The following RAB27A variants were observed in gnomAD, a reference collection of about 807,000 sequenced individuals.
RAB27A encodes RAB27A, member RAS oncogene family.
A neutral mutation model predicts 20.8 loss-of-function variants in RAB27A; 17 were observed. The observed-to-expected ratio is 0.82, with a 90% CI of 0.56 to 1.23. The LOEUF (loss-of-function observed/expected upper bound fraction) is 1.23. Ranked by LOEUF, RAB27A falls within the 50% of genes most tolerant of loss-of-function variation. The probability of loss-of-function intolerance (pLI) is 0.00; values close to 1 mark genes in which losing one functional copy is unlikely to be tolerated. For synonymous variants in RAB27A, 85 were observed against 92.8 expected, an observed-to-expected ratio of 0.92 and a Z score of 0.48; for missense variants, 277 against 266.7, an observed-to-expected ratio of 1.04 and a Z score of -0.27.
chr15:55,245,573 T>C (rs1415690030), intron 2 of RAB27A, among the ~76,000 whole-genome samples: 1 of 152,206 alleles, frequency 6.6e-6, no homozygotes. Flanking sequence ...AATAATAACA[T>C]AAGTCCATCC....
intron 2 of RAB27A, among the ~76,000 whole-genome samples, chr15:55,236,651 C>T (rs1428396832): frequency 2.0e-5 from 3 of 152,094 alleles, no homozygotes; most frequent in Non-Finnish European, 4.4e-5. Context: ...AGATTCAAAC[C>T]CAAAATATCA....
chr15:55,306,795 T>C (rs779292738), intron 2 of RAB27A, among the ~76,000 whole-genome samples: 9 of 152,286 alleles, frequency 5.9e-5, no homozygotes, highest in African/African-American at 2.2e-4. Context: ...GGGGAGCTAC[T>C]GGTCCTACAG....
chr15:55,220,703 A>C (rs74759534), intron 6 of RAB27A, among the ~76,000 whole-genome samples: 11,590 of 152,344 alleles, frequency 0.076, 710 homozygotes, highest in Admixed American at 0.18. Flanking sequence ...CTGTTAGCAC[A>C]TGGATAAACT....
upstream of RAB27A, chr15:55,319,116 G>T (rs1054713535): frequency 9.4e-7 from 1 of 1,058,516 alleles, no homozygotes; most frequent in African/African-American, 1.6e-5. Flanking sequence ...ACGTCGGGTG[G>T]GAGCTACGAA....
At chr15:55,292,222 A>G (rs910947773), upstream of RAB27A, among the ~76,000 whole-genome samples, 10 of 152,358 alleles carry the variant, frequency 6.6e-5, no homozygotes, top group African/African-American at 2.4e-4. Context: ...CAATATGCTA[A>G]TAGTTTTGAC....
At chr15:55,209,033 T>C (rs546772392) in intron 6 of RAB27A, among the ~76,000 whole-genome samples, 4 of 152,344 alleles carry the variant, frequency 2.6e-5, no homozygotes, top group South Asian at 4.1e-4. Context: ...TTATGCATAA[T>C]ATAGTTTCAG....
chr15:55,292,207 T>C (rs1372629103), upstream of RAB27A, among the ~76,000 whole-genome samples: 1 of 152,202 alleles, frequency 6.6e-6, no homozygotes, highest in Non-Finnish European at 1.5e-5. Flanking sequence ...TTACTATGAG[T>C]CAGCCAATAT....
intron 6 of RAB27A, among the ~76,000 whole-genome samples, chr15:55,215,199 C>G (rs1895222361): frequency 6.6e-6 from 1 of 152,156 alleles, no homozygotes; most frequent in Admixed American, 6.5e-5. Flanking sequence ...TTTCCAACTC[C>G]AGAGTCTCCA....
At chr15:55,207,585 A>G (rs1894712720) in intron 6 of RAB27A, among the ~76,000 whole-genome samples, 1 of 152,256 alleles carries the variant, frequency 6.6e-6, no homozygotes. Context: ...TTCCATATGT[A>G]TATCATCCAG....
rs755674449 is a variant in RAB27A at position 55,230,447 on chromosome 15, C to A, written c.193G>T (p.Gly65Cys). The change falls in exon 4 of 7, where the codon GGC becomes TGC. Residue 65 changes from glycine to cysteine, a missense_variant. By Grantham distance (159) the Gly-to-Cys change is radical (BLOSUM62 -3). Transcript: ENST00000336787. ...ASGPDGATGR[G>C]QRIHLQLWDT... ...CATAACTGCAGGTGGATTCTCTGGC[C>A]TCTGCCAGTGGCTCCATCCGGCCCA... 8.7e-6 allele frequency: 14 copies of A among 1,613,882 alleles called. No individual in the cohort carries two copies. The highest frequency in any genetic ancestry group is 9.3e-6 in the Non-Finnish European group (11 of 1,179,898).
At chr15:55,228,179 C>A (rs992526582) in intron 5 of RAB27A, among the ~76,000 whole-genome samples, 11 of 152,230 alleles carry the variant, frequency 7.2e-5, no homozygotes, top group Non-Finnish European at 1.3e-4. Context: ...GGGGTATGAT[C>A]CATTAAGTCT....
At chr15:55,222,752 G>T (rs765578323) in intron 6 of RAB27A, among the ~76,000 whole-genome samples, 1 of 151,926 alleles carries the variant, frequency 6.6e-6, no homozygotes, top group Non-Finnish European at 1.5e-5. Context: ...AACCACCAAA[G>T]CCACAAACTA....
At chr15:55,254,406 T>A (rs139180483) in intron 2 of RAB27A, among the ~76,000 whole-genome samples, 1 of 152,228 alleles carries the variant, frequency 6.6e-6, no homozygotes, top group African/African-American at 2.4e-5. Context: ...TAAAACCACA[T>A]ATGAATGTCT....
chr15:55,299,400 C>A (rs2054962339), intron 2 of RAB27A, among the ~76,000 whole-genome samples: 1 of 152,094 alleles, frequency 6.6e-6, no homozygotes, highest in Non-Finnish European at 1.5e-5. Context: ...TCAACACCAG[C>A]CTGGCCAACA....
chr15:55,227,526 G>A (rs1252754478), intron 5 of RAB27A, among the ~76,000 whole-genome samples: 7 of 152,060 alleles, frequency 4.6e-5, no homozygotes, highest in African/African-American at 1.7e-4. Context: ...GTAATTAATA[G>A]CTCTTCAACT....
intron 2 of RAB27A, among the ~76,000 whole-genome samples, chr15:55,312,075 T>C (rs1311157057): frequency 6.6e-6 from 1 of 152,196 alleles, no homozygotes; most frequent in African/African-American, 2.4e-5. Context: ...CAGTGACTAG[T>C]GTTCAGCTCG....
chr15:55,266,351 A>G (rs1198096053), intron 2 of RAB27A, among the ~76,000 whole-genome samples: 1 of 152,220 alleles, frequency 6.6e-6, no homozygotes, highest in Non-Finnish European at 1.5e-5. Context: ...TTTGCAAGCT[A>G]TCCAGTCTAT....
intron 2 of RAB27A, among the ~76,000 whole-genome samples, chr15:55,261,920 C>A (rs1472857140): frequency 6.6e-6 from 1 of 151,328 alleles, no homozygotes; most frequent in Non-Finnish European, 1.5e-5. Flanking sequence ...ACCTGTAATC[C>A]CAGCTACTCG....
intron 2 of RAB27A, among the ~76,000 whole-genome samples, chr15:55,247,937 CTTT>C (rs765207631): frequency 7.4e-6 from 1 of 135,434 alleles, no homozygotes; most frequent in African/African-American, 2.8e-5. Flanking sequence ...TCACTAACCA[CTTT>C]TTTTTTTTTT....
Sources: allele counts gnomAD v4.1 joint callset (sites outside exome capture counted in the v4.1 genomes callset), GRCh38; gene constraint gnomAD v4.1.1; transcripts MANE v1.5; gene names NCBI Gene and HGNC (gene_info 2026-07-23, HGNC 2026-07-21).